The following ATP11A variants were observed in gnomAD, a reference collection of about 807,000 sequenced individuals.
ATP11A encodes phospholipid-transporting ATPase IH.
ATP11A carries 81 observed loss-of-function variants against 154.4 expected under a neutral mutation model. The ratio of observed to expected loss-of-function variants is 0.52; its 90% CI spans 0.44 to 0.63. The LOEUF is 0.63. Among genes scored for constraint, ATP11A ranks in the 30% least tolerant of loss-of-function variants. The probability of loss-of-function intolerance (pLI) is 0.00; values close to 1 mark genes in which losing one functional copy is unlikely to be tolerated. For synonymous variants in ATP11A, 623 were observed against 585.9 expected (o/e 1.06, Z -0.91); for missense variants, 1,316 against 1,474.3 (o/e 0.89, Z 1.76).
Position 112,754,996 on chromosome 13 carries a change from A to G in ATP11A, c.40-30139A>G, listed in dbSNP as rs2139834170. On this transcript the variant is annotated intron_variant, in intron 1 of 29. Transcript: ENST00000375645. The surrounding 1 kb of genome is among the most constrained non-coding windows in gnomAD (Gnocchi z 5.3). ...AGGGCTGGATGGCGCGGACCTGGGC[A>G]TCGTGGCCTCTGCAGTGCCAGCTGT... is the stretch of plus-strand genomic sequence containing the variant. 6.6e-6 allele frequency among the ~76,000 whole-genome samples: 1 copy of G among 152,330 alleles called. No individual in the cohort carries two copies. The highest frequency in any genetic ancestry group is 1.9e-4 in the East Asian group (1 of 5,178).
chr13:112,826,614 C>A, intron 11 of ATP11A, 80 bp from the exon 12 acceptor site: 1 of 1,124,226 alleles, frequency 8.9e-7, no homozygotes, highest in Non-Finnish European at 1.4e-6. Flanking sequence ...TATGCCTAAG[C>A]CTGAGGTGTT....
intron 2 of ATP11A, among the ~76,000 whole-genome samples, chr13:112,795,871 G>C (rs1251249643): frequency 2.0e-5 from 3 of 152,234 alleles, no homozygotes; most frequent in Non-Finnish European, 2.9e-5. Context: ...CTAGAACTCA[G>C]AATCATTAAA....
chr13:112,701,008 A>C lies in ATP11A; in HGVS notation c.39+10553A>C, dbSNP rs376791853. On this transcript the variant is annotated intron_variant, in intron 1 of 29. Coordinates refer to ENST00000375645, the MANE Select transcript of ATP11A (RefSeq NM_015205.3). ...GTGGGGAAGAGGCTGGGCTTGGCTC[A>C]GCTGCTGAGGGATCAGCCGACCCCA... Among the ~76,000 whole-genome samples, 18 of 152,354 alleles carry C rather than the reference A, an allele frequency of 1.2e-4. No individual in the cohort carries two copies. In the East Asian group the frequency reaches 2.5e-3, roughly 21 times the overall value.
chr13:112,740,165 T>G (rs949366593), intron 1 of ATP11A, among the ~76,000 whole-genome samples: 18 of 150,260 alleles, frequency 1.2e-4, no homozygotes, highest in Admixed American at 3.3e-4. Context: ...TATATATATA[T>G]ATATAGATAT....
At position 112,860,348 on chromosome 13, in the gene ATP11A, T is replaced by G; in HGVS notation, c.2789T>G (p.Leu930Arg). The change falls in exon 24 of 30, where the codon CTC (leucine) becomes CGC (arginine). Residue 930 changes from leucine to arginine, a missense_variant. Leu to Arg is a moderately radical substitution (Grantham distance 102). Transcript: ENST00000375645. ...YNISFTSLPI[L>R]LYSLMEQHVG... ...ATCAGCTTCACCTCCCTCCCCATCC[T>G]CCTGTACAGCCTCATGGAGCAGCAT... The G allele has an allele frequency of 6.2e-7, 1 of 1,614,150 alleles. No individual in the cohort carries two copies. The highest frequency in any genetic ancestry group is 8.5e-7 in the Non-Finnish European group (1 of 1,180,018).
At chr13:112,694,931 C>T (rs1228783357) in intron 1 of ATP11A, among the ~76,000 whole-genome samples, 2 of 152,026 alleles carry the variant, frequency 1.3e-5, no homozygotes, top group Admixed American at 1.3e-4. Flanking sequence ...CTAGAAAGTC[C>T]AGCTATTTAT....
intron 2 of ATP11A, among the ~76,000 whole-genome samples, chr13:112,791,978 C>T (rs1313797983): frequency 1.3e-5 from 2 of 152,126 alleles, no homozygotes; most frequent in Admixed American, 6.5e-5. Flanking sequence ...GAGGGTGTGG[C>T]GGGGCCAGGA....
rs141507490 is a variant in ATP11A at position 112,839,331 on chromosome 13, G to C, written c.1706-2945G>C. On this transcript the variant is annotated intron_variant, in intron 16 of 29. Coordinates refer to ENST00000375645, the MANE Select transcript of ATP11A (RefSeq NM_015205.3). ...AAAAGCAAGCAGAAAAGATGAAAGA[G>C]AAGGAAAGTCCTAACAGTGCACCCT... is the stretch of plus-strand genomic sequence containing the variant. Among the ~76,000 whole-genome samples the C allele has an allele frequency of 2.9e-4, 44 of 152,146 alleles. 1 individual carries two copies. In the East Asian group the frequency reaches 8.4e-3, roughly 29 times the overall value.
At position 112,855,926 on chromosome 13, in the gene ATP11A, G is replaced by T. The variant is rs769777912; in HGVS notation, c.2259G>T (p.Met753Ile). The T allele has an allele frequency of 7.4e-6, 12 of 1,611,936 alleles. No individual in the cohort carries two copies. The South Asian group carries it at 1.2e-4, about 16-fold the overall frequency. Reference sequence around the variant, plus strand: ...ACTCTAACAGACTTTCAGCAGATATGCAGGACTACGGTTTAATTATCGACG... The same window carrying T: ...ACTCTAACAGACTTTCAGCAGATATTCAGGACTACGGTTTAATTATCGACG... ...RDNLSGLSAD[M>I]QDYGLIIDGA... The change falls in exon 20 of 30, where the codon ATG becomes ATT. Residue 753 changes from methionine to isoleucine, a missense_variant. This residue lies in a region of ATP11A where 876 missense variants were observed against 1,006.8 expected (regional missense o/e 0.87). Transcript: ENST00000375645.
At chr13:112,825,772 G>T in intron 11 of ATP11A, among the ~76,000 whole-genome samples, 192 bp downstream of exon 11, 1 of 152,214 alleles carries the variant, frequency 6.6e-6, no homozygotes, top group East Asian at 1.9e-4. Context: ...GCCATCTTTG[G>T]ATCTGGAAAG....
At chr13:112,822,447 G>A (rs188201561) in intron 8 of ATP11A, among the ~76,000 whole-genome samples, 7 of 152,248 alleles carry the variant, frequency 4.6e-5, no homozygotes, top group Admixed American at 3.3e-4. Flanking sequence ...TGCATGGATT[G>A]TCCCAGATTT....
chr13:112,719,066 G>A (rs975268075), intron 1 of ATP11A, among the ~76,000 whole-genome samples: 5 of 152,134 alleles, frequency 3.3e-5, no homozygotes, highest in South Asian at 2.1e-4. Context: ...CTGAAAGTCC[G>A]GCTTATTTGA....
chr13:112,839,902 T>G (rs532771219), intron 16 of ATP11A, among the ~76,000 whole-genome samples: 2 of 152,340 alleles, frequency 1.3e-5, no homozygotes, highest in South Asian at 4.1e-4. Flanking sequence ...ACCACAGTTC[T>G]CATTCTGAAC....
At chr13:112,863,728 A>G (rs2080211257) in intron 25 of ATP11A, among the ~76,000 whole-genome samples, 1 of 103,552 alleles carries the variant, frequency 9.7e-6, no homozygotes, top group African/African-American at 3.8e-5. Flanking sequence ...GTCCATCACC[A>G]CCTGCGCAGT....
At chr13:112,865,229 G>A (rs1219813812) in intron 25 of ATP11A, among the ~76,000 whole-genome samples, 6 of 139,540 alleles carry the variant, frequency 4.3e-5, no homozygotes, top group Non-Finnish European at 9.3e-5. Flanking sequence ...GCTTCCCAGC[G>A]GGATCCATCA....
rs1407203252 is a variant in ATP11A, at chr13:112,859,640, G to A, written c.2727+188G>A. ...GGGAGGGGGGCCACGGAGCTGAGGA[G>A]TTGCCGTCCTGGAGGCCCCTTGTTC... On this transcript the variant is annotated intron_variant, in intron 23 of 29. Transcript: ENST00000375645. The surrounding 1 kb of genome is among the most constrained non-coding windows in gnomAD (Gnocchi z 4.3). 6.6e-6 allele frequency among the ~76,000 whole-genome samples: 1 copy of A among 152,204 alleles called. No individual in the cohort carries two copies. The highest frequency in any genetic ancestry group is 1.5e-5 in the Non-Finnish European group (1 of 68,016).
chr13:112,800,320 C>T (rs577234944), intron 2 of ATP11A, among the ~76,000 whole-genome samples: 12 of 152,038 alleles, frequency 7.9e-5, no homozygotes, highest in Non-Finnish European at 1.8e-4. Context: ...AGGGGCATCA[C>T]TACTGGTAAC....
intron 1 of ATP11A, among the ~76,000 whole-genome samples, chr13:112,744,885 C>G (rs1891955866): frequency 6.6e-6 from 1 of 152,222 alleles, no homozygotes. Context: ...ATGAAAATAA[C>G]AGGGATGTCC....
At chr13:112,718,562 C>G (rs1250561526) in intron 1 of ATP11A, among the ~76,000 whole-genome samples, 1 of 152,154 alleles carries the variant, frequency 6.6e-6, no homozygotes, top group Non-Finnish European at 1.5e-5. Flanking sequence ...AGGCAGCACC[C>G]AGCTACTTGC....
Sources: allele counts gnomAD v4.1 joint callset (sites outside exome capture counted in the v4.1 genomes callset), GRCh38; gene constraint gnomAD v4.1.1; regional missense constraint gnomAD v4.1.1; non-coding constraint Gnocchi (gnomAD v3.1); transcripts MANE v1.5; gene names NCBI Gene and HGNC (gene_info 2026-07-23, HGNC 2026-07-21).